Variants in TRIQK observed in about 807,000 individuals in gnomAD.
The protein encoded by TRIQK is triple QxxK/R motif containing, also known as triple QxxK/R motif-containing protein.
In TRIQK, 10 loss-of-function variants were observed where a neutral mutation model predicts 10.8. That is an observed-to-expected ratio of 0.92 (90% CI 0.57 to 1.57). TRIQK has a LOEUF of 1.57. TRIQK is among the 40% of genes most tolerant of loss of function. The probability of loss-of-function intolerance (pLI) is 0.00; values close to 1 mark genes in which losing one functional copy is unlikely to be tolerated. For missense variants in TRIQK, 107 were observed against 97.7 expected (o/e 1.09, Z -0.40); for synonymous variants, 33 against 33.7 (o/e 0.98, Z 0.07).
chr8:92,968,525 T>C (rs13253752), upstream of TRIQK, among the ~76,000 whole-genome samples: 3,328 of 152,286 alleles, frequency 0.022, 49 homozygotes, highest in Middle Eastern at 0.037. Context: ...CTCATTGTGG[T>C]TTTGATTTGC....
At chr8:92,933,195 A>T (rs865928510) in intron 2 of TRIQK, among the ~76,000 whole-genome samples, 1 of 152,054 alleles carries the variant, frequency 6.6e-6, no homozygotes, top group South Asian at 2.1e-4. Flanking sequence ...CGCCCTTTCC[A>T]CATTTATATT....
intron 2 of TRIQK, among the ~76,000 whole-genome samples, chr8:92,947,572 GAA>G (rs1302894967): frequency 1.3e-4 from 13 of 101,686 alleles, no homozygotes; most frequent in Non-Finnish European, 1.9e-5. Flanking sequence ...CAATAAGAGT[GAA>G]ACTCCGCCTC....
At chr8:92,956,627 C>T (rs1812186036) in intron 1 of TRIQK, among the ~76,000 whole-genome samples, 1 of 151,736 alleles carries the variant, frequency 6.6e-6, no homozygotes, top group African/African-American at 2.4e-5. Context: ...CCAGATATGT[C>T]TTGAATGATT....
intron 1 of TRIQK, among the ~76,000 whole-genome samples, chr8:92,988,029 C>T (rs1466164891): frequency 2.2e-5 from 2 of 92,948 alleles, no homozygotes; most frequent in African/African-American, 8.6e-5. Flanking sequence ...TTTTTTGAGA[C>T]GGAGTCTTGC....
intron 1 of TRIQK, among the ~76,000 whole-genome samples, chr8:92,960,009 T>G (rs1339333552): frequency 1.3e-5 from 2 of 152,110 alleles, no homozygotes; most frequent in Non-Finnish European, 2.9e-5. Context: ...TGGAAAACAT[T>G]TATTTTCTTT....
intron 3 of TRIQK, among the ~76,000 whole-genome samples, chr8:92,897,881 GCC>G (rs1808693868): frequency 6.6e-6 from 1 of 151,906 alleles, no homozygotes; most frequent in Admixed American, 6.6e-5. Flanking sequence ...TTATGCCTTA[GCC>G]TTCACTTCTG....
chr8:92,937,516 G>A (rs1373803572), intron 2 of TRIQK, among the ~76,000 whole-genome samples: 1 of 150,488 alleles, frequency 6.6e-6, no homozygotes, highest in Non-Finnish European at 1.5e-5. Context: ...AAATATGTTT[G>A]CATTTATATC....
intron 4 of TRIQK, among the ~76,000 whole-genome samples, chr8:92,888,266 T>C (rs970168338): frequency 6.6e-6 from 1 of 151,710 alleles, no homozygotes; most frequent in African/African-American, 2.4e-5. Flanking sequence ...CCATGATTCA[T>C]ATCTTATTGA....
chr8:92,953,133 A>C (rs1383448928), intron 2 of TRIQK, among the ~76,000 whole-genome samples: 1 of 152,038 alleles, frequency 6.6e-6, no homozygotes, highest in Non-Finnish European at 1.5e-5. Context: ...ACAGCATTCT[A>C]TTCATGCTCT....
chr8:92,944,162 T>C (rs1054318237), intron 2 of TRIQK, among the ~76,000 whole-genome samples: 1 of 152,030 alleles, frequency 6.6e-6, no homozygotes, highest in African/African-American at 2.4e-5. Flanking sequence ...GACAGCACCT[T>C]ACACCTGTTA....
At chr8:92,899,880 G>A (rs534735248) in intron 3 of TRIQK, among the ~76,000 whole-genome samples, 2 of 152,176 alleles carry the variant, frequency 1.3e-5, no homozygotes, top group Admixed American at 6.5e-5. Flanking sequence ...CAGTGTATGA[G>A]GGTTTCCTTT....
intron 2 of TRIQK, among the ~76,000 whole-genome samples, chr8:92,953,253 A>G (rs970032386): frequency 3.3e-5 from 5 of 152,036 alleles, no homozygotes; most frequent in Admixed American, 1.3e-4. Context: ...GTAAGTAGTT[A>G]AAACACATTT....
At chr8:92,988,000 C>CTTTTTTTTTTTT (rs549776227) in intron 1 of TRIQK, among the ~76,000 whole-genome samples, 1 of 57,580 alleles carries the variant, frequency 1.7e-5, no homozygotes, top group African/African-American at 7.3e-5. Context: ...TTTATACTTT[C>CTTTTTTTTTTTT]TTTTTTTTTT....
At chr8:92,937,717 C>T (rs1811065125) in intron 2 of TRIQK, among the ~76,000 whole-genome samples, 1 of 151,468 alleles carries the variant, frequency 6.6e-6, no homozygotes, top group Admixed American at 6.6e-5. Flanking sequence ...TATTATGTAA[C>T]CTTTCATAAT....
intron 1 of TRIQK, among the ~76,000 whole-genome samples, chr8:92,997,476 G>A (rs1300366388): frequency 1.3e-5 from 2 of 152,032 alleles, no homozygotes; most frequent in African/African-American, 4.8e-5. Context: ...TGTGTCAGGG[G>A]TGGGGTTGTT....
intron 1 of TRIQK, among the ~76,000 whole-genome samples, chr8:92,979,675 A>G (rs1345842543): frequency 6.6e-6 from 1 of 151,970 alleles, no homozygotes; most frequent in African/African-American, 2.4e-5. Flanking sequence ...CTTTCTGTTT[A>G]TTACTCAAAT....
chr8:92,961,393 T>C (rs560900222), intron 1 of TRIQK, among the ~76,000 whole-genome samples: 2 of 152,216 alleles, frequency 1.3e-5, no homozygotes, highest in East Asian at 3.9e-4. Context: ...AAATCTGATA[T>C]ACCTCCTCTG....
At chr8:92,976,950 C>CTA (rs995535494) in intron 1 of TRIQK, among the ~76,000 whole-genome samples, 21 of 151,948 alleles carry the variant, frequency 1.4e-4, no homozygotes, top group African/African-American at 4.8e-4. Flanking sequence ...TATTTTATCT[C>CTA]TCTATATATA....
chr8:92,894,317 G>C (rs1816905908), intron 3 of TRIQK, among the ~76,000 whole-genome samples: 1 of 152,016 alleles, frequency 6.6e-6, no homozygotes, highest in Non-Finnish European at 1.5e-5. Context: ...ACTAAAGCCA[G>C]ATCATTCCAT....
Sources: allele counts gnomAD v4.1 joint callset (sites outside exome capture counted in the v4.1 genomes callset), GRCh38; gene constraint gnomAD v4.1.1; transcripts MANE v1.5; gene names NCBI Gene and HGNC (gene_info 2026-07-23, HGNC 2026-07-21).